Variants in PPM1G observed in about 807,000 individuals in gnomAD.
PPM1G encodes the protein protein phosphatase, Mg2+/Mn2+ dependent 1G.
Under a neutral mutation model 59.4 loss-of-function variants are expected in PPM1G, and 12 were observed. The observed-to-expected ratio is 0.20, with a 90% CI of 0.13 to 0.33. The LOEUF (loss-of-function observed/expected upper bound fraction) is 0.33. PPM1G is among the 10% of genes least tolerant of loss of function. The probability of loss-of-function intolerance (pLI) is 1.00; values close to 1 mark genes in which losing one functional copy is unlikely to be tolerated. For missense variants in PPM1G, 392 were observed against 681.3 expected (o/e 0.58, Z 4.73); for synonymous variants, 245 against 251.9 (o/e 0.97, Z 0.26).
intron 1 of PPM1G, among the ~76,000 whole-genome samples, chr2:27,404,863 G>C (rs370587359): frequency 6.8e-6 from 1 of 147,464 alleles, no homozygotes; most frequent in Non-Finnish European, 1.5e-5. Context: ...AGAATCGCTT[G>C]AACTCAGGAG....
chr2:27,405,142 C>T (rs1256711811), intron 1 of PPM1G, among the ~76,000 whole-genome samples: 3 of 146,328 alleles, frequency 2.1e-5, no homozygotes, highest in African/African-American at 5.1e-5. Flanking sequence ...GGTGCGATCT[C>T]GGCTCACTGC....
chr2:27,401,654 T>C lies in PPM1G; in HGVS notation c.120+7649A>G, dbSNP rs559786290. Among the ~76,000 whole-genome samples, 6 of 152,200 alleles carry C rather than the reference T, an allele frequency of 3.9e-5. No individual in the cohort carries two copies. In the East Asian group the frequency reaches 1.2e-3, roughly 29 times the overall value. On this transcript the variant is annotated intron_variant, in intron 1 of 9. Transcript: ENST00000344034. ...CAGCCTGGGCAACATGGTGAAACCCTGTTTCTACTGAAAATATAAAAATTA... is the reference window on the plus strand; with the variant it reads ...CAGCCTGGGCAACATGGTGAAACCCCGTTTCTACTGAAAATATAAAAATTA...
At chr2:27,398,361 A>T (rs775808530) in intron 1 of PPM1G, among the ~76,000 whole-genome samples, 3 of 152,232 alleles carry the variant, frequency 2.0e-5, no homozygotes, top group Non-Finnish European at 4.4e-5. Flanking sequence ...AATTCACTCA[A>T]AATGGATCAC....
At chr2:27,388,657 T>A (rs1220419470) in intron 1 of PPM1G, among the ~76,000 whole-genome samples, 1 of 151,832 alleles carries the variant, frequency 6.6e-6, no homozygotes, top group Admixed American at 6.6e-5. Context: ...AGGCGGATCA[T>A]GAGGTCAGGA....
In PPM1G at chr2:27,385,719, C is replaced by T. The variant is rs925705992; in HGVS notation, c.409+28G>A. The T allele has an allele frequency of 2.5e-6, 4 of 1,591,526 alleles. No homozygotes were observed. Among genetic ancestry groups the T allele is most frequent in the Non-Finnish European group, 2.6e-6 (3 of 1,172,966 alleles). On this transcript the variant is annotated intron_variant, in intron 4 of 9. Coordinates refer to ENST00000344034, the MANE Select transcript of PPM1G (RefSeq NM_177983.3). The surrounding 1 kb of genome is among the most constrained non-coding windows in gnomAD (Gnocchi z 4.1). ...AGAATATTTCTTAAAATGCTGATTT[C>T]CCCTCAAACAAGGGATGCCACACTC...
intron 2 of PPM1G, 195 bp from the exon 3 acceptor site, chr2:27,386,474 C>T (rs971192874): frequency 6.8e-6 from 3 of 441,590 alleles, no homozygotes; most frequent in Non-Finnish European, 4.2e-6. Context: ...TCAATTCTCT[C>T]GGGTATAAAT....
At chr2:27,395,059 G>A (rs987828315) in intron 1 of PPM1G, among the ~76,000 whole-genome samples, 4 of 151,774 alleles carry the variant, frequency 2.6e-5, no homozygotes, top group Admixed American at 6.6e-5. Context: ...GTGAAACCCC[G>A]TTTCTACTAA....
Position 27,384,563 on chromosome 2 carries a change from TG to T in PPM1G, c.825+109del. ...CTAAAGCTTAGAATACAGTGGGTCT[TG>T]GGGGATGATGTCAAAATAGGAGAAG... On this transcript the variant is annotated intron_variant, in intron 5 of 9. Coordinates refer to ENST00000344034, the MANE Select transcript of PPM1G (RefSeq NM_177983.3). The surrounding 1 kb of genome is among the most constrained non-coding windows in gnomAD (Gnocchi z 4.8). 1 of 1,304,298 alleles carries T rather than the reference TG, an allele frequency of 7.7e-7. No homozygotes were observed. The allele number at this position is 1,304,298 out of a possible 1,614,324, so 80.8% of individuals were successfully genotyped here.
In PPM1G at chr2:27,381,413, A is replaced by C; in HGVS notation, c.*186T>G. 1.6e-6 allele frequency: 1 copy of C among 633,298 alleles called. No individual in the cohort carries two copies. Among genetic ancestry groups the C allele is most frequent in the Non-Finnish European group, 2.8e-6 (1 of 361,804 alleles). The allele number at this position is 633,298 out of a possible 1,614,324, so 39.2% of individuals were successfully genotyped here. On this transcript the variant is annotated 3_prime_UTR_variant, in exon 10 of 10. Coordinates refer to ENST00000344034, the MANE Select transcript of PPM1G (RefSeq NM_177983.3). ...GCCCGAGGAGCAGAGGCGGCTGGGAAGGACAGCAGAGGCTCCCGGCTGCAG... is the reference window on the plus strand; with the variant it reads ...GCCCGAGGAGCAGAGGCGGCTGGGACGGACAGCAGAGGCTCCCGGCTGCAG...
rs1683742041 is a variant in PPM1G at position 27,385,511 on chromosome 2, C to A, written c.409+236G>T. 5.8e-6 allele frequency: 3 copies of A among 513,690 alleles called. No homozygotes were observed. Among genetic ancestry groups the A allele is most frequent in the Non-Finnish European group, 9.9e-6 (3 of 304,340 alleles). 31.8% of individuals were successfully genotyped at this position (513,690 alleles called of 1,614,324 possible). On this transcript the variant is annotated intron_variant, in intron 4 of 9. Transcript: ENST00000344034. The surrounding 1 kb of genome is among the most constrained non-coding windows in gnomAD (Gnocchi z 4.1). ...CTAGCAGGAACCAGGAAGACCCCAT[C>A]ACAATGACAAAAGATAATGTATATA...
Position 27,386,475 on chromosome 2 carries a change from G to A in PPM1G, c.191-196C>T, listed in dbSNP as rs532397729. 200 of 440,420 alleles carry A rather than the reference G, an allele frequency of 4.5e-4. 1 individual carries two copies. In the South Asian group the frequency reaches 5.4e-3, roughly 12 times the overall value. 27.3% of individuals were successfully genotyped at this position (440,420 alleles called of 1,614,324 possible). A position where few individuals can be genotyped will look rare whatever the true frequency, so the allele number is the denominator to read the frequency against. On this transcript the variant is annotated intron_variant, in intron 2 of 9. Transcript: ENST00000344034. ...AATGGATTTCACCATCAATTCTCTC[G>A]GGTATAAATATCTCGTCTTTTCTCA...
intron 2 of PPM1G, 154 bp downstream of exon 2, chr2:27,386,935 A>G (rs1357723964): frequency 1.6e-6 from 1 of 622,932 alleles, no homozygotes. Flanking sequence ...CTACTGGGAA[A>G]AAAGAATGAC....
chr2:27,404,716 G>A (rs939382282), intron 1 of PPM1G, among the ~76,000 whole-genome samples: 1 of 151,572 alleles, frequency 6.6e-6, no homozygotes, highest in Non-Finnish European at 1.5e-5. Context: ...AGGCCGAGGC[G>A]GGCGGATTAA....
intron 1 of PPM1G, among the ~76,000 whole-genome samples, chr2:27,396,518 TA>T (rs1396170819): frequency 6.6e-6 from 1 of 150,812 alleles, no homozygotes; most frequent in Non-Finnish European, 1.5e-5. Flanking sequence ...AACTGTACAT[TA>T]AAAAAATTTT....
In PPM1G at chr2:27,384,818, A is replaced by G. The variant is rs1683721906; in HGVS notation, c.680T>C (p.Val227Ala). The G allele has an allele frequency of 1.9e-6, 3 of 1,614,194 alleles. No homozygotes were observed. The East Asian group carries it at 6.7e-5, about 36-fold the overall frequency. ...ACCAGTGGGAATGCCAGGCTCACCA[A>G]CTTGGCCTGCCTCAGTCCCACGTTC... ...NSERGTEAGQ[V>A]GEPGIPTGEA... The change falls in exon 5 of 10, where the codon GTT (valine) becomes GCT (alanine). Residue 227 changes from valine (V) to alanine (A), a missense_variant. Physicochemically the swap from Val to Ala is moderately conservative, Grantham distance 64. This residue lies in a region of PPM1G where 188 missense variants were observed against 248.8 expected (regional missense o/e 0.76). Coordinates refer to ENST00000344034, the MANE Select transcript of PPM1G (RefSeq NM_177983.3). The surrounding 1 kb of genome is among the most constrained non-coding windows in gnomAD (Gnocchi z 4.8).
intron 9 of PPM1G, 50 bp from the exon 10 acceptor site, chr2:27,381,855 A>T: frequency 6.4e-7 from 1 of 1,566,100 alleles, no homozygotes. Flanking sequence ...ACACCTTGCC[A>T]GGAATCTACA....
intron 1 of PPM1G, chr2:27,393,362 C>T (rs549901101): frequency 2.5e-6 from 4 of 1,585,574 alleles, no homozygotes; most frequent in South Asian, 2.2e-5. Flanking sequence ...TAGACGCGGT[C>T]GTCATGCCGG....
Position 27,381,631 on chromosome 2 carries a change from T to C in PPM1G, c.1609A>G (p.Ser537Gly). Residue 537 changes from serine (S) to glycine (G), a missense_variant, in exon 10 of 10, where the codon AGC (serine) becomes GGC (glycine). Coordinates refer to ENST00000344034, the MANE Select transcript of PPM1G (RefSeq NM_177983.3). ...STEGAEENGN[S>G]DKKKKAKRD ...CGCTTGGCCTTCTTCTTCTTGTCGC[T>C]GTTGCCATTTTCTTCAGCCCCCTCA... 1 of 1,614,124 alleles carries C rather than the reference T, an allele frequency of 6.2e-7. No homozygotes were observed. The highest frequency in any genetic ancestry group is 8.5e-7 in the Non-Finnish European group (1 of 1,180,032).
At chr2:27,394,117 G>A (rs1439007446) in intron 1 of PPM1G, among the ~76,000 whole-genome samples, 3 of 148,536 alleles carry the variant, frequency 2.0e-5, no homozygotes, top group African/African-American at 5.0e-5. Context: ...GGCTGGTCTC[G>A]AACTCCTGAC....
Sources: allele counts gnomAD v4.1 joint callset (sites outside exome capture counted in the v4.1 genomes callset), GRCh38; gene constraint gnomAD v4.1.1; regional missense constraint gnomAD v4.1.1; non-coding constraint Gnocchi (gnomAD v3.1); transcripts MANE v1.5; gene names NCBI Gene and HGNC (gene_info 2026-07-23, HGNC 2026-07-21).